Variants in CSNK2A2IP observed in about 807,000 individuals in gnomAD.
CSNK2A2IP encodes the protein casein kinase II subunit alpha'-interacting protein.
At chr3:88,447,966 C>A in the CSNK2A2IP span, among the ~76,000 whole-genome samples, 1 of 151,978 alleles carries the variant, frequency 6.6e-6, no homozygotes, top group African/African-American at 2.4e-5. Context: ...ATTTGATTTC[C>A]AAAGCGTTAA....
the CSNK2A2IP span, among the ~76,000 whole-genome samples, chr3:88,373,075 T>C: frequency 6.6e-6 from 1 of 151,398 alleles, no homozygotes; most frequent in African/African-American, 2.4e-5. Context: ...ATAGAACAAG[T>C]TTACAGAAAT....
At chr3:88,409,126 A>C in the CSNK2A2IP span, among the ~76,000 whole-genome samples, 1 of 152,104 alleles carries the variant, frequency 6.6e-6, no homozygotes, top group East Asian at 1.9e-4. Context: ...TAATTTTAAA[A>C]ATTAAAGATG....
the CSNK2A2IP span, among the ~76,000 whole-genome samples, chr3:88,385,011 T>C: frequency 6.6e-6 from 1 of 152,152 alleles, no homozygotes; most frequent in Non-Finnish European, 1.5e-5. Context: ...GTTGGAGATA[T>C]GAAGTGGGCA....
At chr3:88,372,721 G>A in the CSNK2A2IP span, among the ~76,000 whole-genome samples, 2 of 151,318 alleles carry the variant, frequency 1.3e-5, no homozygotes, top group Non-Finnish European at 1.5e-5. Flanking sequence ...TCTTGCCTAC[G>A]AGAGATGTAT....
the CSNK2A2IP span, among the ~76,000 whole-genome samples, chr3:88,445,877 GTTTC>G: frequency 2.6e-5 from 4 of 151,414 alleles, no homozygotes; most frequent in African/African-American, 4.9e-5. Flanking sequence ...CATTTTAATG[GTTTC>G]TTTCTTTCTT....
chr3:88,361,015 C>T, the CSNK2A2IP span, among the ~76,000 whole-genome samples: 1 of 152,098 alleles, frequency 6.6e-6, no homozygotes, highest in South Asian at 2.1e-4. Flanking sequence ...CCCCACTCCA[C>T]TTTTTGATAT....
At chr3:88,403,596 A>G in the CSNK2A2IP span, among the ~76,000 whole-genome samples, 54,997 of 151,982 alleles carry the variant, frequency 0.36, 12,617 homozygotes, top group South Asian at 0.54. Flanking sequence ...AGCAATAATA[A>G]CAATAGTTAA....
the CSNK2A2IP span, among the ~76,000 whole-genome samples, chr3:88,432,987 A>C: frequency 2.0e-5 from 3 of 151,860 alleles, no homozygotes; most frequent in Non-Finnish European, 2.9e-5. Flanking sequence ...GAGTCTGAGT[A>C]CAAACAAATA....
chr3:88,454,270 ATTGC>A, the CSNK2A2IP span, among the ~76,000 whole-genome samples: 2 of 151,892 alleles, frequency 1.3e-5, no homozygotes, highest in Non-Finnish European at 2.9e-5. Flanking sequence ...TTTTTATTTG[ATTGC>A]TTGCTTTCCT....
At chr3:88,401,232 GCTTA>G in the CSNK2A2IP span, among the ~76,000 whole-genome samples, 5 of 152,124 alleles carry the variant, frequency 3.3e-5, no homozygotes, top group East Asian at 5.8e-4. Flanking sequence ...AATATAGACT[GCTTA>G]CTTAAAGAAT....
chr3:88,441,460 A>G, the CSNK2A2IP span, among the ~76,000 whole-genome samples: 1 of 152,126 alleles, frequency 6.6e-6, no homozygotes, highest in South Asian at 2.1e-4. Context: ...TTGTACCAAG[A>G]AAAAAAGGCA....
chr3:88,374,459 T>A, the CSNK2A2IP span, among the ~76,000 whole-genome samples: 5 of 151,610 alleles, frequency 3.3e-5, no homozygotes, highest in African/African-American at 1.2e-4. Flanking sequence ...CTGAATGAGA[T>A]CATCTAGGCA....
At chr3:88,418,951 GC>G in the CSNK2A2IP span, among the ~76,000 whole-genome samples, 1 of 152,140 alleles carries the variant, frequency 6.6e-6, no homozygotes, top group East Asian at 1.9e-4. Context: ...ATCAGCAGTG[GC>G]TTTAGATTCT....
the CSNK2A2IP span, among the ~76,000 whole-genome samples, chr3:88,352,562 A>G: frequency 6.6e-6 from 1 of 151,996 alleles, no homozygotes. Context: ...TCTGAAAATA[A>G]TTTTATAGAT....
the CSNK2A2IP span, among the ~76,000 whole-genome samples, chr3:88,375,649 C>A: frequency 1.3e-5 from 2 of 151,706 alleles, no homozygotes; most frequent in Non-Finnish European, 3.0e-5. Context: ...AAAACCCAAA[C>A]TACAGCAAAC....
At chr3:88,402,863 T>C in the CSNK2A2IP span, among the ~76,000 whole-genome samples, 1 of 152,056 alleles carries the variant, frequency 6.6e-6, no homozygotes, top group East Asian at 1.9e-4. Context: ...AACCTTCATT[T>C]TTTGATGTCT....
At chr3:88,385,512 T>A in the CSNK2A2IP span, among the ~76,000 whole-genome samples, 51 of 63,752 alleles carry the variant, frequency 8.0e-4, no homozygotes, top group African/African-American at 1.5e-3. Flanking sequence ...TGAAATAACT[T>A]TTTTTTTGTT....
the CSNK2A2IP span, among the ~76,000 whole-genome samples, chr3:88,384,330 CCTCT>C: frequency 9.9e-5 from 15 of 150,948 alleles, no homozygotes; most frequent in African/African-American, 2.9e-4. Flanking sequence ...TTTCTTTCTC[CCTCT>C]CTCTCTCTCC....
At chr3:88,350,289 C>G in the CSNK2A2IP span, among the ~76,000 whole-genome samples, 1 of 151,998 alleles carries the variant, frequency 6.6e-6, no homozygotes, top group African/African-American at 2.4e-5. Flanking sequence ...TCTGAGTTAC[C>G]AATTCAGTTT....
Sources: gnomAD v4.1 joint callset for allele counts (sites outside exome capture counted in the v4.1 genomes callset) on GRCh38, gnomAD v4.1.1 for gene constraint, MANE v1.5 for transcripts, NCBI Gene and HGNC (gene_info 2026-07-23, HGNC 2026-07-21) for gene names.